Variants in AAGAB observed in about 807,000 individuals in gnomAD.
AAGAB encodes the protein alpha and gamma adaptin binding protein, also known as alpha- and gamma-adaptin-binding protein p34.
AAGAB carries 38 observed loss-of-function variants against 44.1 expected under a neutral mutation model. The ratio of observed to expected loss-of-function variants is 0.86; its 90% CI spans 0.67 to 1.13. The LOEUF (loss-of-function observed/expected upper bound fraction) is 1.13. Ranked by LOEUF, AAGAB falls within the 50% of genes most tolerant of loss-of-function variation. The pLI, the probability that AAGAB is intolerant of heterozygous loss-of-function variation, is 0.00. For missense variants in AAGAB, 450 were observed against 373.8 expected (o/e 1.20, Z -1.68); for synonymous variants, 131 against 131.8 (o/e 0.99, Z 0.04).
chr15:67,212,176 C>G (rs903530060), intron 5 of AAGAB, among the ~76,000 whole-genome samples: 4 of 152,108 alleles, frequency 2.6e-5, no homozygotes, highest in African/African-American at 7.2e-5. Context: ...CTACGGCACC[C>G]GGCCGAAATG....
chr15:67,234,003 G>A (rs898326429), intron 4 of AAGAB, among the ~76,000 whole-genome samples: 2 of 151,892 alleles, frequency 1.3e-5, no homozygotes, highest in African/African-American at 4.8e-5. Context: ...AGCACTTTGG[G>A]AGGCCGAGGC....
Position 67,201,040 on chromosome 15 carries a change from T to A in AAGAB, c.*1781A>T, listed in dbSNP as rs1963558586. 6.6e-6 allele frequency: 1 copy of A among 152,290 alleles called. No homozygotes were observed. The highest frequency in any genetic ancestry group is 2.4e-5 in the African/African-American group (1 of 41,428). 9.4% of individuals were successfully genotyped at this position (152,290 alleles called of 1,614,324 possible). A position where few individuals can be genotyped will look rare whatever the true frequency, so the allele number is the denominator to read the frequency against. On this transcript the variant is annotated 3_prime_UTR_variant, in exon 10 of 10. Coordinates refer to ENST00000261880, the MANE Select transcript of AAGAB (RefSeq NM_024666.5). The stretch of plus-strand genomic sequence containing the variant: ...GACATTAGCACAGTTTATAAATAAA[T>A]CACATTTTAATCATCTGGCTTTGTT...
intron 1 of AAGAB, among the ~76,000 whole-genome samples, chr15:67,249,479 C>T (rs903927098): frequency 6.6e-6 from 1 of 152,168 alleles, no homozygotes; most frequent in African/African-American, 2.4e-5. Flanking sequence ...AATCCAGACA[C>T]TGTTAGACTA....
At chr15:67,245,791 G>A (rs988332695) in intron 1 of AAGAB, among the ~76,000 whole-genome samples, 7 of 152,184 alleles carry the variant, frequency 4.6e-5, no homozygotes, top group South Asian at 4.2e-4. Flanking sequence ...AAGTCAGATC[G>A]CTTAAAAAAG....
chr15:67,235,708 G>A (rs1964445409), intron 4 of AAGAB, among the ~76,000 whole-genome samples: 1 of 152,038 alleles, frequency 6.6e-6, no homozygotes, highest in Non-Finnish European at 1.5e-5. Context: ...AAAGGATTAT[G>A]GAAATGACAA....
chr15:67,216,705 C>T (rs867441171), intron 5 of AAGAB, among the ~76,000 whole-genome samples: 1 of 150,688 alleles, frequency 6.6e-6, no homozygotes, highest in Non-Finnish European at 1.5e-5. Flanking sequence ...CTTGAAAATC[C>T]TAAAAGGAAT....
At chr15:67,204,600 G>GATA (rs973813912) in intron 7 of AAGAB, among the ~76,000 whole-genome samples, 2 of 151,650 alleles carry the variant, frequency 1.3e-5, no homozygotes, top group Non-Finnish European at 2.9e-5. Context: ...GATTAGAACA[G>GATA]ATAACATTAT....
At chr15:67,237,717 TG>T (rs1319054992) in intron 1 of AAGAB, among the ~76,000 whole-genome samples, 1 of 152,126 alleles carries the variant, frequency 6.6e-6, no homozygotes, top group Non-Finnish European at 1.5e-5. Context: ...TTTATACAAA[TG>T]TGGAAAATCA....
rs372170993 is a variant in AAGAB at position 67,229,461 on chromosome 15, G to GA, written c.535+2352dup. On this transcript the variant is annotated intron_variant, in intron 5 of 9. Coordinates refer to ENST00000261880, the MANE Select transcript of AAGAB (RefSeq NM_024666.5). Reference sequence around the variant, plus strand: ...AAAAAAAAAAAAAGAGTTGGAGAAGGAAAAAAAAAACCCAAAAAAACTCCT... The same window carrying GA: ...AAAAAAAAAAAAAGAGTTGGAGAAGGAAAAAAAAAAACCCAAAAAAACTCCT... Among the ~76,000 whole-genome samples, 61 of 141,700 alleles carry GA rather than the reference G, an allele frequency of 4.3e-4. No individual in the cohort carries two copies. The Middle Eastern group carries it at 0.022, about 50-fold the overall frequency. The allele number at this position is 141,700 out of a possible 152,430, so 93.0% of individuals were successfully genotyped here. A position where few individuals can be genotyped will look rare whatever the true frequency, so the allele number is the denominator to read the frequency against.
In AAGAB at chr15:67,236,042, A is replaced by G; in HGVS notation, c.388T>C (p.Trp130Arg). The part of the protein sequence containing the change: ...DGINRQKAQE[W>R]CIKHGFELVE... ...AATTCAAAGCCATGTTTGATGCACC[A>G]TTCTTGAGCTTTTTGTCGGTTTATA... The change falls in exon 4 of 10, where the codon TGG becomes CGG. Residue 130 changes from tryptophan to arginine, a missense_variant. Coordinates refer to ENST00000261880, the MANE Select transcript of AAGAB (RefSeq NM_024666.5). The G allele has an allele frequency of 6.2e-7, 1 of 1,613,192 alleles. No individual in the cohort carries two copies. The highest frequency in any genetic ancestry group is 8.5e-7 in the Non-Finnish European group (1 of 1,179,474).
chr15:67,239,219 C>T (rs978741626), intron 1 of AAGAB, among the ~76,000 whole-genome samples: 8 of 152,066 alleles, frequency 5.3e-5, no homozygotes, highest in Admixed American at 2.6e-4. Context: ...CTTTGCTCCT[C>T]GACATGAGAA....
chr15:67,231,754 A>G (rs548619391), intron 5 of AAGAB, 60 bp downstream of exon 5: 4 of 1,348,768 alleles, frequency 3.0e-6, no homozygotes, highest in East Asian at 4.7e-5. Flanking sequence ...ATATATCTCA[A>G]TAATTTAAAA....
rs942265744 is a variant in AAGAB, at chr15:67,239,571, C to T, written c.74-2751G>A. ...GTTTTATTCTCTGTGCTGCCTAAAA[C>T]AAGTTGATAGCTCAATTTACTTATC... On this transcript the variant is annotated intron_variant, in intron 1 of 9. Coordinates refer to ENST00000261880, the MANE Select transcript of AAGAB (RefSeq NM_024666.5). Among the ~76,000 whole-genome samples the T allele has an allele frequency of 7.2e-5, 11 of 152,106 alleles. 1 individual carries two copies. The highest frequency in any genetic ancestry group is 5.8e-4 in the East Asian group (3 of 5,192).
intron 5 of AAGAB, among the ~76,000 whole-genome samples, chr15:67,224,585 C>A (rs950644404): frequency 7.2e-6 from 1 of 138,836 alleles, no homozygotes; most frequent in Admixed American, 7.3e-5. Flanking sequence ...TTTTTCTTTT[C>A]TTTTTTTTTT....
At chr15:67,218,596 T>A (rs1379292257) in intron 5 of AAGAB, among the ~76,000 whole-genome samples, 1 of 152,146 alleles carries the variant, frequency 6.6e-6, no homozygotes, top group African/African-American at 2.4e-5. Flanking sequence ...GGCTTGCAAT[T>A]AGGTTATTTG....
At chr15:67,219,465 T>C (rs912978919) in intron 5 of AAGAB, among the ~76,000 whole-genome samples, 1 of 152,136 alleles carries the variant, frequency 6.6e-6, no homozygotes, top group Admixed American at 6.5e-5. Context: ...ATGTACACCA[T>C]GGAATACTAC....
At chr15:67,209,820 T>C (rs1384836565) in intron 5 of AAGAB, among the ~76,000 whole-genome samples, 1 of 151,958 alleles carries the variant, frequency 6.6e-6, no homozygotes, top group Non-Finnish European at 1.5e-5. Flanking sequence ...GCCTGGCTAT[T>C]TTTTTTTAAA....
intron 1 of AAGAB, among the ~76,000 whole-genome samples, chr15:67,247,024 G>T (rs1192707852): frequency 6.6e-6 from 1 of 152,166 alleles, no homozygotes; most frequent in African/African-American, 2.4e-5. Flanking sequence ...TTTATGAGTT[G>T]TAACACTCAC....
At chr15:67,248,791 T>C (rs755155491) in intron 1 of AAGAB, among the ~76,000 whole-genome samples, 39 of 152,234 alleles carry the variant, frequency 2.6e-4, no homozygotes, top group Non-Finnish European at 3.4e-4. Context: ...TATATAATTG[T>C]GCTTTCTGGT....
Sources: allele counts gnomAD v4.1 joint callset (sites outside exome capture counted in the v4.1 genomes callset), GRCh38; gene constraint gnomAD v4.1.1; transcripts MANE v1.5; gene names NCBI Gene and HGNC (gene_info 2026-07-23, HGNC 2026-07-21).